C3orf49: variants seen among roughly 807,000 people sequenced by gnomAD.
C3orf49 encodes the protein putative uncharacterized protein C3orf49.
C3orf49 carries 27 observed loss-of-function variants against 13.3 expected under a neutral mutation model. That is an observed-to-expected ratio of 2.02 (90% CI 1.49 to 2.79). The LOEUF (loss-of-function observed/expected upper bound fraction) is 2.79. C3orf49 is among the 30% of genes most tolerant of loss of function. C3orf49 has a pLI of 0.00. For synonymous variants in C3orf49, 87 were observed against 47.6 expected (o/e 1.83, Z -3.40); for missense variants, 242 against 134.2 (o/e 1.80, Z -3.97).
intron 5 of C3orf49, chr3:63,835,153 C>G (rs754129889): frequency 6.2e-7 from 1 of 1,613,254 alleles, no homozygotes; most frequent in Non-Finnish European, 8.5e-7. Context: ...TTTCTACTTA[C>G]TTTCCAATGT....
At chr3:63,810,177 T>C in the C3orf49 span, among the ~76,000 whole-genome samples, 2 of 151,042 alleles carry the variant, frequency 1.3e-5, no homozygotes, top group Non-Finnish European at 2.9e-5. Flanking sequence ...AAAACCGCAA[T>C]TACGTTTGTG....
rs1466063805 is a variant in C3orf49 at position 63,831,151 on chromosome 3, TA to T, written c.620del (p.Lys207ArgfsTer14). On this transcript the variant is annotated frameshift_variant, in exon 4 of 7. Coordinates refer to ENST00000295896, the MANE Select transcript of C3orf49 (RefSeq NM_001355236.2). LOFTEE classifies it high-confidence loss of function. ...AAAAGAGACCACACTTTCCAGCACT[TA>T]AAAAAAAGAAGCGTGGCATGGAAAA... ...PKKRPHFPAL[K>X]KKKRGMENIL... The T allele has an allele frequency of 2.8e-6, 2 of 702,416 alleles. No individual in the cohort carries two copies. The highest frequency in any genetic ancestry group is 2.0e-5 in the Admixed American group (1 of 49,878). 43.5% of individuals were successfully genotyped at this position (702,416 alleles called of 1,614,324 possible).
chr3:63,780,873 T>C, the C3orf49 span, among the ~76,000 whole-genome samples: 1 of 152,252 alleles, frequency 6.6e-6, no homozygotes, highest in African/African-American at 2.4e-5. Context: ...GAGTTCATTA[T>C]AGATTCTGGA....
intron 5 of C3orf49, among the ~76,000 whole-genome samples, chr3:63,837,675 T>C (rs1287483253): frequency 6.6e-6 from 1 of 151,874 alleles, no homozygotes; most frequent in Non-Finnish European, 1.5e-5. Flanking sequence ...TAACATTATT[T>C]AGGCAAAAGG....
At chr3:63,789,253 GAGGTGGAAC>G in the C3orf49 span, among the ~76,000 whole-genome samples, 1 of 152,138 alleles carries the variant, frequency 6.6e-6, no homozygotes, top group East Asian at 1.9e-4. Flanking sequence ...CTGATGATAT[GAGGTGGAAC>G]AGTTTCATCC....
chr3:63,834,622 T>G (rs1477676262), intron 5 of C3orf49, among the ~76,000 whole-genome samples: 5 of 150,542 alleles, frequency 3.3e-5, no homozygotes, highest in Non-Finnish European at 7.4e-5. Flanking sequence ...ATTGTGCCAC[T>G]GCACTCCAGC....
the C3orf49 span, chr3:63,783,186 T>G: frequency 4.6e-5 from 7 of 152,318 alleles, no homozygotes; most frequent in African/African-American, 1.7e-4. Flanking sequence ...ACTGAGAGCG[T>G]TGGTTATCCC....
the C3orf49 span, among the ~76,000 whole-genome samples, chr3:63,783,940 C>T: frequency 2.0e-5 from 3 of 151,830 alleles, no homozygotes; most frequent in Non-Finnish European, 4.4e-5. Flanking sequence ...GATTTCATGG[C>T]CCCTATATCT....
At chr3:63,833,997 G>C (rs1190111992) in intron 5 of C3orf49, 2 of 754,862 alleles carry the variant, frequency 2.6e-6, no homozygotes, top group Non-Finnish European at 4.2e-6. Context: ...AAATATGAAT[G>C]AAATACATTC....
At chr3:63,815,247 C>T (rs956262758), upstream of C3orf49, among the ~76,000 whole-genome samples, 1 of 152,114 alleles carries the variant, frequency 6.6e-6, no homozygotes, top group African/African-American at 2.4e-5. Context: ...TCCCCTATAT[C>T]CCAGTTCATT....
At chr3:63,814,201 A>C in the C3orf49 span, among the ~76,000 whole-genome samples, 1 of 152,184 alleles carries the variant, frequency 6.6e-6, no homozygotes, top group Non-Finnish European at 1.5e-5. Context: ...GGCTGAACAG[A>C]GAGTTAACAT....
the C3orf49 span, among the ~76,000 whole-genome samples, chr3:63,792,438 T>C: frequency 6.6e-6 from 1 of 152,354 alleles, no homozygotes; most frequent in African/African-American, 2.4e-5. Flanking sequence ...ACTCTATGCC[T>C]AAACTAAATG....
the C3orf49 span, among the ~76,000 whole-genome samples, chr3:63,789,469 G>C: frequency 1.9e-4 from 29 of 151,930 alleles, no homozygotes; most frequent in Non-Finnish European, 1.5e-4. Context: ...CTTCATTTTG[G>C]GACTATGTAG....
the C3orf49 span, chr3:63,779,929 T>C: frequency 5.3e-5 from 8 of 152,204 alleles, no homozygotes; most frequent in Non-Finnish European, 8.8e-5. Context: ...ATTTTCCCAA[T>C]TGGAATTTCT....
Position 63,828,644 on chromosome 3 carries a change from A to T in C3orf49, c.570+919A>T, listed in dbSNP as rs114027919. ...TAAATTGCCCAGACTATTTTTCAAA[A>T]ATAGAACCATGAACTATTATTATTA... On this transcript the variant is annotated intron_variant, in intron 3 of 6. Coordinates refer to ENST00000295896, the MANE Select transcript of C3orf49 (RefSeq NM_001355236.2). Among the ~76,000 whole-genome samples, 163 of 152,326 alleles carry T rather than the reference A, an allele frequency of 1.1e-3. 1 individual carries two copies. The highest frequency in any genetic ancestry group is 3.8e-3 in the African/African-American group (159 of 41,564).
the C3orf49 span, among the ~76,000 whole-genome samples, chr3:63,809,049 T>C: frequency 2.6e-5 from 4 of 152,206 alleles, no homozygotes; most frequent in Non-Finnish European, 5.9e-5. Flanking sequence ...GCTGCAAGCC[T>C]CTCTCCAATC....
chr3:63,791,619 G>A, the C3orf49 span, among the ~76,000 whole-genome samples: 1 of 152,180 alleles, frequency 6.6e-6, no homozygotes, highest in Non-Finnish European at 1.5e-5. Flanking sequence ...TGGTCTGAGA[G>A]GGGGCCCTGG....
At chr3:63,816,287 C>T (rs929638635), upstream of C3orf49, among the ~76,000 whole-genome samples, 3 of 152,016 alleles carry the variant, frequency 2.0e-5, no homozygotes, top group Non-Finnish European at 2.9e-5. Flanking sequence ...TTCCATTTCC[C>T]TGAATAAATA....
upstream of C3orf49, among the ~76,000 whole-genome samples, chr3:63,817,985 C>A (rs1701344237): frequency 1.3e-5 from 2 of 152,066 alleles, no homozygotes; most frequent in South Asian, 4.1e-4. Context: ...TATTCAAGCA[C>A]CTATTATTTA....
Sources: gnomAD v4.1 joint callset for allele counts (sites outside exome capture counted in the v4.1 genomes callset) on GRCh38, gnomAD v4.1.1 for gene constraint, MANE v1.5 for transcripts, NCBI Gene and HGNC (gene_info 2026-07-23, HGNC 2026-07-21) for gene names.